Variants in PIR observed in about 807,000 individuals in gnomAD.
PIR encodes the protein pirin, also known as pirin (iron-binding nuclear protein).
A neutral mutation model predicts 24.2 loss-of-function variants in PIR; 22 were observed. That is an observed-to-expected ratio of 0.91 (90% CI 0.65 to 1.30). The LOEUF (loss-of-function observed/expected upper bound fraction) is 1.30. Among genes scored for constraint, PIR ranks in the 50% most tolerant of loss-of-function variants. The pLI is 0.00. For synonymous variants in PIR, 80 were observed against 79.6 expected (o/e 1.00, Z -0.03); for missense variants, 220 against 220.3 (o/e 1.00, Z 0.01).
At chrX:15,424,429 T>C (rs1925236901) in intron 6 of PIR, among the ~76,000 whole-genome samples, 1 of 103,151 alleles carries the variant, frequency 9.7e-6, no homozygotes, top group Admixed American at 1.1e-4. Flanking sequence ...TAAAGAGAGA[T>C]TGATTAATGA....
chrX:15,445,954 C>A (rs893110650), intron 5 of PIR, among the ~76,000 whole-genome samples: 1 of 105,851 alleles, frequency 9.4e-6, no homozygotes, highest in Non-Finnish European at 1.9e-5. Flanking sequence ...CTCAGCCTCC[C>A]GAGTAGCTGG....
At chrX:15,419,341 G>GTC (rs1174904566) in intron 6 of PIR, among the ~76,000 whole-genome samples, 3 of 74,487 alleles carry the variant, frequency 4.0e-5, no homozygotes, top group African/African-American at 1.2e-4. Flanking sequence ...GCATGGATAA[G>GTC]TCTGTGTGTG....
At chrX:15,397,656 T>C in intron 7 of PIR, 125 bp from the exon 8 acceptor site, 1 of 451,978 alleles carries the variant, frequency 2.2e-6, no homozygotes. Context: ...GACTTAGTAA[T>C]TCCCTTGAAT....
At chrX:15,387,073 CTTTTTTTTTTTTTTTT>C (rs764572854) in intron 9 of PIR, among the ~76,000 whole-genome samples, 2 of 12,713 alleles carry the variant, frequency 1.6e-4, no homozygotes, top group African/African-American at 2.4e-4. Flanking sequence ...CTTTTCTTTT[CTTTTTTTTTTTTTTTT>C]TTTTTTTTTT....
chrX:15,419,113 G>A (rs1275038165), intron 6 of PIR, among the ~76,000 whole-genome samples: 28 of 109,469 alleles, frequency 2.6e-4, no homozygotes, highest in Non-Finnish European at 9.5e-5. Context: ...AATTTGACCT[G>A]GAAAGGTGGA....
At chrX:15,398,108 TAG>T (rs1491441050) in intron 7 of PIR, among the ~76,000 whole-genome samples, 2 of 91,720 alleles carry the variant, frequency 2.2e-5, no homozygotes, top group Non-Finnish European at 4.6e-5. Context: ...TGGGTGGGGG[TAG>T]GGGGGAGGGA....
At chrX:15,397,007 T>A (rs1426023678) in intron 8 of PIR, among the ~76,000 whole-genome samples, 1 of 112,442 alleles carries the variant, frequency 8.9e-6, no homozygotes, top group Non-Finnish European at 1.9e-5. Flanking sequence ...CCCAAAGTGC[T>A]GCGATTACAG....
intron 3 of PIR, among the ~76,000 whole-genome samples, chrX:15,462,061 A>G (rs1233783973): frequency 1.8e-5 from 2 of 111,701 alleles, no homozygotes; most frequent in African/African-American, 3.3e-5. Flanking sequence ...CTGCAATCAC[A>G]GTACCTTTTG....
chrX:15,482,744 A>T (rs888358234), intron 2 of PIR, among the ~76,000 whole-genome samples: 1 of 111,668 alleles, frequency 9.0e-6, no homozygotes. Context: ...CCTGATAGCA[A>T]GGTAATGTCA....
chrX:15,484,254 T>C (rs1022050115), intron 2 of PIR, among the ~76,000 whole-genome samples: 7 of 108,184 alleles, frequency 6.5e-5, no homozygotes, highest in African/African-American at 2.4e-4. Flanking sequence ...AAAGCAACTC[T>C]GGTGAGGGCC....
intron 5 of PIR, among the ~76,000 whole-genome samples, chrX:15,439,181 A>T (rs1925838693): frequency 8.9e-6 from 1 of 111,965 alleles, no homozygotes; most frequent in Admixed American, 9.5e-5. Context: ...ACATATAAAG[A>T]ACTCAGAACT....
intron 2 of PIR, among the ~76,000 whole-genome samples, chrX:15,481,883 T>G (rs1051278608): frequency 3.6e-5 from 4 of 111,992 alleles, no homozygotes; most frequent in African/African-American, 1.3e-4. Flanking sequence ...TGGGTTTTTA[T>G]GGGCCTGGCT....
At chrX:15,388,983 C>T (rs1404128523) in intron 9 of PIR, among the ~76,000 whole-genome samples, 3 of 111,885 alleles carry the variant, frequency 2.7e-5, no homozygotes, top group Admixed American at 9.5e-5. Context: ...GTGTTCCAAG[C>T]CACTGGGAGA....
chrX:15,414,037 T>G (rs1176960460), intron 6 of PIR, among the ~76,000 whole-genome samples: 1 of 111,908 alleles, frequency 8.9e-6, no homozygotes, highest in Middle Eastern at 4.2e-3. Flanking sequence ...GAGAAATATA[T>G]AAGCAATATA....
chrX:15,473,558 A>G (rs892620555), intron 3 of PIR, among the ~76,000 whole-genome samples: 6 of 110,593 alleles, frequency 5.4e-5, no homozygotes, highest in Admixed American at 1.9e-4. Context: ...TTATTTATTT[A>G]TTTATTTATC....
intron 6 of PIR, among the ~76,000 whole-genome samples, chrX:15,424,721 C>T (rs1925249518): frequency 8.9e-6 from 1 of 112,169 alleles, no homozygotes; most frequent in Admixed American, 9.5e-5. Context: ...ATAGACCAGA[C>T]ACAATGGCTC....
chrX:15,402,954 C>G (rs1460115703), intron 7 of PIR, among the ~76,000 whole-genome samples: 6 of 112,090 alleles, frequency 5.4e-5, no homozygotes, highest in African/African-American at 1.9e-4. Flanking sequence ...CATAAATGGA[C>G]TGAGAACAAA....
At chrX:15,431,671 A>ACCCC (rs144106667) in intron 5 of PIR, among the ~76,000 whole-genome samples, 1 of 77,304 alleles carries the variant, frequency 1.3e-5, no homozygotes, top group Non-Finnish European at 2.5e-5. Context: ...AAAAATAACC[A>ACCCC]CCCCCCCCCC....
intron 2 of PIR, among the ~76,000 whole-genome samples, chrX:15,488,610 A>G (rs6632668): frequency 0.31 from 34,721 of 111,252 alleles, 4,075 homozygotes; most frequent in East Asian, 0.52. Context: ...TTTGTTCTAT[A>G]TAATCCCATG....
Sources: allele counts gnomAD v4.1 joint callset (sites outside exome capture counted in the v4.1 genomes callset), GRCh38; gene constraint gnomAD v4.1.1; transcripts MANE v1.5; gene names NCBI Gene and HGNC (gene_info 2026-07-23, HGNC 2026-07-21).